The following FHIT variants were observed in gnomAD, a reference collection of about 807,000 sequenced individuals.
FHIT encodes the protein bis(5'-adenosyl)-triphosphatase.
A neutral mutation model predicts 17.9 loss-of-function variants in FHIT; 19 were observed. That is an observed-to-expected ratio of 1.06 (90% CI 0.74 to 1.56). The LOEUF (loss-of-function observed/expected upper bound fraction) is 1.56, where lower values mean the gene tolerates loss of function less well. Ranked by LOEUF, FHIT falls within the 40% of genes most tolerant of loss-of-function variation. The probability of loss-of-function intolerance (pLI) is 0.00; values close to 1 mark genes in which losing one functional copy is unlikely to be tolerated. For synonymous variants in FHIT, 81 were observed against 69.7 expected (o/e 1.16, Z -0.81); for missense variants, 248 against 189.2 (o/e 1.31, Z -1.82).
At chr3:60,688,704 T>C (rs1056508099) in intron 4 of FHIT, among the ~76,000 whole-genome samples, 4 of 152,162 alleles carry the variant, frequency 2.6e-5, no homozygotes, top group Non-Finnish European at 4.4e-5. Flanking sequence ...AGTGCTGGGA[T>C]TACAGGTGTA....
chr3:60,064,347 A>G (rs966664105), intron 5 of FHIT, among the ~76,000 whole-genome samples: 1 of 152,164 alleles, frequency 6.6e-6, no homozygotes, highest in Admixed American at 6.5e-5. Flanking sequence ...TTTTAGCTGC[A>G]ATGAAAGAAC....
chr3:61,201,859 A>G (rs2039023502), intron 1 of FHIT, among the ~76,000 whole-genome samples: 1 of 152,182 alleles, frequency 6.6e-6, no homozygotes, highest in Non-Finnish European at 1.5e-5. Flanking sequence ...ATCTGATAAC[A>G]TGGAGATTGA....
chr3:61,024,143 T>C (rs553848896), intron 3 of FHIT, among the ~76,000 whole-genome samples: 16 of 152,136 alleles, frequency 1.1e-4, no homozygotes, highest in Admixed American at 7.2e-4. Context: ...GAGAGTTATA[T>C]TCTTGTTACC....
chr3:60,179,644 A>T (rs1203995198), intron 5 of FHIT, among the ~76,000 whole-genome samples: 1 of 152,120 alleles, frequency 6.6e-6, no homozygotes, highest in African/African-American at 2.4e-5. Context: ...CAGGACCTCA[A>T]ATATTAGGTT....
At chr3:60,155,994 A>C (rs1313406430) in intron 5 of FHIT, among the ~76,000 whole-genome samples, 1 of 152,048 alleles carries the variant, frequency 6.6e-6, no homozygotes. Context: ...ATTTCATTTT[A>C]ATTGTTGCTT....
intron 7 of FHIT, among the ~76,000 whole-genome samples, chr3:59,987,855 C>T (rs1406930476): frequency 6.6e-6 from 1 of 151,934 alleles, no homozygotes; most frequent in South Asian, 2.1e-4. Context: ...GATGTCTGCC[C>T]CATCTAAAGT....
intron 5 of FHIT, among the ~76,000 whole-genome samples, chr3:60,280,254 A>G (rs1383340239): frequency 1.3e-5 from 2 of 152,138 alleles, no homozygotes; most frequent in Non-Finnish European, 2.9e-5. Flanking sequence ...AAAAAAACCT[A>G]CAGCTAACAT....
At chr3:60,032,347 G>C (rs1409888026) in intron 5 of FHIT, among the ~76,000 whole-genome samples, 1 of 152,054 alleles carries the variant, frequency 6.6e-6, no homozygotes, top group East Asian at 1.9e-4. Context: ...AGCTACTCAG[G>C]AGACTGAGAT....
chr3:61,207,730 T>G (rs1188317705), intron 1 of FHIT, among the ~76,000 whole-genome samples: 1 of 152,234 alleles, frequency 6.6e-6, no homozygotes, highest in Non-Finnish European at 1.5e-5. Flanking sequence ...TTAGTCTTGC[T>G]AGAGGTCTAT....
chr3:60,852,108 A>G lies in FHIT; in HGVS notation c.-110-30097T>C, dbSNP rs1703178407. On this transcript the variant is annotated intron_variant, in intron 3 of 9. Coordinates refer to ENST00000492590, the MANE Select transcript of FHIT (RefSeq NM_002012.4). ...CCCTAATGTGTGTGGACTTCATCCA[A>G]TCAGCTGAAGGCTTGATTAGGACAA... Among the ~76,000 whole-genome samples the G allele has an allele frequency of 2.0e-5, 3 of 152,224 alleles. No homozygotes were observed. The South Asian group carries it at 6.2e-4, about 32-fold the overall frequency.
Position 60,940,272 on chromosome 3 carries a change from C to T in FHIT, c.-111+101775G>A, listed in dbSNP as rs1053839356. ...GAAAAATTGCCCTGTAAATCACAAG[C>T]TCACGTGTGCCAAACTCTAAGTCCA... is the stretch of plus-strand genomic sequence containing the variant. On this transcript the variant is annotated intron_variant, in intron 3 of 9. Coordinates refer to ENST00000492590, the MANE Select transcript of FHIT (RefSeq NM_002012.4). 1.3e-4 allele frequency among the ~76,000 whole-genome samples: 20 copies of T among 152,222 alleles called. No homozygotes were observed. The South Asian group carries it at 2.9e-3, about 22-fold the overall frequency.
At chr3:60,640,801 T>A (rs1179549264) in intron 4 of FHIT, among the ~76,000 whole-genome samples, 4 of 152,212 alleles carry the variant, frequency 2.6e-5, no homozygotes, top group Admixed American at 6.5e-5. Flanking sequence ...GTGATTACAT[T>A]TAAAGTCCTT....
intron 4 of FHIT, among the ~76,000 whole-genome samples, chr3:60,659,416 T>C (rs782448773): frequency 1.9e-4 from 29 of 151,726 alleles, no homozygotes; most frequent in Non-Finnish European, 3.8e-4. Context: ...ATGGGTATGT[T>C]GGTCTGCTTC....
At chr3:60,008,659 G>A (rs1016682731) in intron 7 of FHIT, among the ~76,000 whole-genome samples, 1 of 152,186 alleles carries the variant, frequency 6.6e-6, no homozygotes, top group African/African-American at 2.4e-5. Flanking sequence ...ATGAGACACA[G>A]AGGCAAAGAT....
At chr3:60,874,415 C>A (rs1704551587) in intron 3 of FHIT, among the ~76,000 whole-genome samples, 2 of 152,154 alleles carry the variant, frequency 1.3e-5, no homozygotes, top group African/African-American at 4.8e-5. Flanking sequence ...GCTCTGGGAA[C>A]TCTCTGAAAC....
Position 60,291,871 on chromosome 3 carries a change from C to G in FHIT, c.103+244989G>C, listed in dbSNP as rs142568505. 2.2e-3 allele frequency among the ~76,000 whole-genome samples: 332 copies of G among 152,116 alleles called. 1 individual carries two copies. The highest frequency in any genetic ancestry group is 7.2e-3 in the African/African-American group (298 of 41,512). ...TGCCACAGCCTAGGAATATCAGGAG[C>G]CACTAGAAGCTCGAAGAGGCAAGGA... is the stretch of plus-strand genomic sequence containing the variant. On this transcript the variant is annotated intron_variant, in intron 5 of 9. Coordinates refer to ENST00000492590, the MANE Select transcript of FHIT (RefSeq NM_002012.4).
intron 5 of FHIT, among the ~76,000 whole-genome samples, chr3:60,420,880 G>C (rs578123872): frequency 6.6e-6 from 1 of 152,088 alleles, no homozygotes; most frequent in East Asian, 1.9e-4. Context: ...CTTTGTTTCT[G>C]GCTTGCCTTC....
chr3:59,832,877 G>T (rs1436754222), intron 8 of FHIT, among the ~76,000 whole-genome samples: 1 of 152,174 alleles, frequency 6.6e-6, no homozygotes, highest in Non-Finnish European at 1.5e-5. Context: ...ATCAAGAAAT[G>T]TTGTAAAAGT....
At chr3:59,752,195 G>C in intron 9 of FHIT, 26 bp downstream of exon 9, 1 of 1,534,310 alleles carries the variant, frequency 6.5e-7, no homozygotes, top group Non-Finnish European at 9.0e-7. Flanking sequence ...GGGAGGGTCT[G>C]GGTAATGACG....
Sources: allele counts gnomAD v4.1 joint callset (sites outside exome capture counted in the v4.1 genomes callset), GRCh38; gene constraint gnomAD v4.1.1; transcripts MANE v1.5; gene names NCBI Gene and HGNC (gene_info 2026-07-23, HGNC 2026-07-21).